OTUD7A: variants seen among roughly 807,000 people sequenced by gnomAD.
The protein encoded by OTUD7A is OTU deubiquitinase 7A, also known as OTU domain-containing protein 7A.
OTUD7A carries 12 observed loss-of-function variants against 65.7 expected under a neutral mutation model. The observed-to-expected ratio is 0.18, with a 90% CI of 0.12 to 0.30. The LOEUF (loss-of-function observed/expected upper bound fraction) is 0.30, where lower values mean the gene tolerates loss of function less well. OTUD7A is among the 10% of genes least tolerant of loss of function. OTUD7A has a pLI of 1.00. For synonymous variants in OTUD7A, 641 were observed against 586.3 expected, an observed-to-expected ratio of 1.09 and a Z score of -1.35; for missense variants, 1,148 against 1,304.8, an observed-to-expected ratio of 0.88 and a Z score of 1.85.
chr15:31,592,829 G>A (rs533220168), intron 3 of OTUD7A, among the ~76,000 whole-genome samples: 1 of 131,164 alleles, frequency 7.6e-6, no homozygotes, highest in South Asian at 2.6e-4. Context: ...GCAGTGAGCC[G>A]AGATCGTGCC....
At chr15:31,639,107 CTCTG>C (rs1185556384) in intron 3 of OTUD7A, among the ~76,000 whole-genome samples, 2 of 151,974 alleles carry the variant, frequency 1.3e-5, no homozygotes, top group Non-Finnish European at 2.9e-5. Context: ...GCACTCCAGC[CTCTG>C]TCTAAAAAAA....
chr15:31,535,286 A>G (rs1887759636), intron 5 of OTUD7A, among the ~76,000 whole-genome samples: 1 of 152,082 alleles, frequency 6.6e-6, no homozygotes, highest in South Asian at 2.1e-4. Context: ...TGATGGTTTT[A>G]AAAGTGGCAG....
In OTUD7A at chr15:31,727,344, A is replaced by G. The variant is rs367656648; in HGVS notation, c.-99-70267T>C. Among the ~76,000 whole-genome samples, 20 of 152,354 alleles carry G rather than the reference A, an allele frequency of 1.3e-4. 1 individual carries two copies. The South Asian group carries it at 3.9e-3, about 30-fold the overall frequency. ...TTCTAGGCTTTCCAGTTTCTCCCACAGTACCAGCCCAGGCAGGAATACCAC... is the reference window on the plus strand; with the variant it reads ...TTCTAGGCTTTCCAGTTTCTCCCACGGTACCAGCCCAGGCAGGAATACCAC... On this transcript the variant is annotated intron_variant, in intron 1 of 12. Transcript: ENST00000307050.
At chr15:31,564,857 C>T (rs1888815643) in intron 4 of OTUD7A, among the ~76,000 whole-genome samples, 1 of 151,940 alleles carries the variant, frequency 6.6e-6, no homozygotes, top group Admixed American at 6.6e-5. Flanking sequence ...ATATTTCTGG[C>T]AAATATGAAC....
intron 1 of OTUD7A, among the ~76,000 whole-genome samples, chr15:31,764,753 A>G (rs1243429576): frequency 6.6e-6 from 1 of 152,202 alleles, no homozygotes; most frequent in Non-Finnish European, 1.5e-5. Context: ...TTCAGATTCA[A>G]TTAGTATAAA....
At chr15:31,787,974 T>C (rs1288330091) in intron 1 of OTUD7A, among the ~76,000 whole-genome samples, 1 of 152,236 alleles carries the variant, frequency 6.6e-6, no homozygotes, top group Non-Finnish European at 1.5e-5. Context: ...CTTACTGCTA[T>C]ACAATTATCT....
chr15:31,549,336 T>G (rs541242437), intron 5 of OTUD7A, among the ~76,000 whole-genome samples: 1 of 152,182 alleles, frequency 6.6e-6, no homozygotes, highest in Non-Finnish European at 1.5e-5. Flanking sequence ...ATTATCATAC[T>G]GCAAGTAATG....
intron 1 of OTUD7A, among the ~76,000 whole-genome samples, chr15:31,750,704 A>G (rs1475413018): frequency 6.6e-6 from 1 of 152,214 alleles, no homozygotes; most frequent in Non-Finnish European, 1.5e-5. Flanking sequence ...GTAAAGCCAC[A>G]CATCTACAAC....
chr15:31,819,883 A>G (rs1368976272), intron 1 of OTUD7A, among the ~76,000 whole-genome samples: 1 of 152,118 alleles, frequency 6.6e-6, no homozygotes, highest in Non-Finnish European at 1.5e-5. Flanking sequence ...AATTATAATG[A>G]CAGTATTTAT....
At chr15:31,722,105 C>T (rs1465351462) in intron 1 of OTUD7A, among the ~76,000 whole-genome samples, 3 of 152,208 alleles carry the variant, frequency 2.0e-5, no homozygotes, top group African/African-American at 7.2e-5. Context: ...GTCTCATCAG[C>T]CCTTGCAGGT....
At chr15:31,619,379 G>C (rs927881686) in intron 3 of OTUD7A, among the ~76,000 whole-genome samples, 13 of 152,190 alleles carry the variant, frequency 8.5e-5, no homozygotes, top group Admixed American at 2.0e-4. Flanking sequence ...ATGGCCATTT[G>C]ACGATATTGA....
chr15:31,806,996 T>C (rs1375151889), intron 1 of OTUD7A, among the ~76,000 whole-genome samples: 4 of 152,192 alleles, frequency 2.6e-5, no homozygotes, highest in African/African-American at 9.7e-5. Flanking sequence ...TGGGGTGGCC[T>C]TGGCCACATG....
intron 3 of OTUD7A, among the ~76,000 whole-genome samples, chr15:31,583,000 G>A (rs1241864909): frequency 1.3e-5 from 2 of 152,196 alleles, no homozygotes; most frequent in Non-Finnish European, 2.9e-5. Flanking sequence ...TATGATTTGA[G>A]GGATTTCAGT....
intron 1 of OTUD7A, among the ~76,000 whole-genome samples, chr15:31,797,102 G>A (rs1302896030): frequency 6.6e-6 from 1 of 152,160 alleles, no homozygotes; most frequent in Non-Finnish European, 1.5e-5. Context: ...CAGTTAAGAT[G>A]TTCCAGGAGC....
chr15:31,808,127 ACACACACACAAAC>A lies in OTUD7A; in HGVS notation c.-100+62367_-100+62379del, dbSNP rs1896321694. On this transcript the variant is annotated intron_variant, in intron 1 of 12. Coordinates refer to ENST00000307050, the MANE Select transcript of OTUD7A (RefSeq NM_001382637.1). ...CACACACACACACACACACACACAC[ACACACACACAAAC>A]AAATCCTCACCAGGTTTTTCCTTCA... Among the ~76,000 whole-genome samples, 3 of 113,868 alleles carry A rather than the reference ACACACACACAAAC, an allele frequency of 2.6e-5. No individual in the cohort carries two copies. In the South Asian group the frequency reaches 7.7e-4, roughly 29 times the overall value. 74.7% of individuals were successfully genotyped at this position (113,868 alleles called of 152,430 possible). A position where few individuals can be genotyped will look rare whatever the true frequency, so the allele number is the denominator to read the frequency against.
At chr15:31,541,600 A>C (rs550205495) in intron 5 of OTUD7A, among the ~76,000 whole-genome samples, 1 of 152,322 alleles carries the variant, frequency 6.6e-6, no homozygotes, top group South Asian at 2.1e-4. Context: ...ATTTTCAATA[A>C]TCCTTTCAAA....
intron 1 of OTUD7A, among the ~76,000 whole-genome samples, chr15:31,804,065 T>G (rs1320300208): frequency 1.3e-5 from 2 of 152,214 alleles, no homozygotes; most frequent in African/African-American, 2.4e-5. Context: ...ATATTTGGTC[T>G]TGCTTGAAGT....
At chr15:31,745,185 A>T (rs867019737) in intron 1 of OTUD7A, among the ~76,000 whole-genome samples, 1 of 152,150 alleles carries the variant, frequency 6.6e-6, no homozygotes, top group Non-Finnish European at 1.5e-5. Flanking sequence ...TTTTTGTAGA[A>T]ACTGACAAAA....
rs2041736384 is a variant in OTUD7A, at chr15:31,511,305, CATATATATGTATATCTATATGTA to C, written c.894-7510_894-7488del. Among the ~76,000 whole-genome samples, 2 of 3,734 alleles carry C rather than the reference CATATATATGTATATCTATATGTA, an allele frequency of 5.4e-4. 1 individual carries two copies. Among genetic ancestry groups the C allele is most frequent in the South Asian group, 0.025 (2 of 80 alleles). 2.4% of individuals were successfully genotyped at this position (3,734 alleles called of 152,430 possible). On this transcript the variant is annotated intron_variant, in intron 8 of 12. Coordinates refer to ENST00000307050, the MANE Select transcript of OTUD7A (RefSeq NM_001382637.1). The stretch of plus-strand genomic sequence containing the variant: ...CATATGTATATCTATATGTAACACA[CATATATATGTATATCTATATGTA>C]ACACACATATATATGTATATCTATA...
Sources: gnomAD v4.1 joint callset for allele counts (sites outside exome capture counted in the v4.1 genomes callset) on GRCh38, gnomAD v4.1.1 for gene constraint, MANE v1.5 for transcripts, NCBI Gene and HGNC (gene_info 2026-07-23, HGNC 2026-07-21) for gene names.